Variants in MBNL2 observed in about 807,000 individuals in gnomAD.
The protein encoded by MBNL2 is muscleblind like splicing regulator 2.
A neutral mutation model predicts 41.9 loss-of-function variants in MBNL2; 17 were observed. That is an observed-to-expected ratio of 0.41 (90% CI 0.28 to 0.61). The LOEUF is 0.61. Ranked by LOEUF, MBNL2 falls within the 20% of genes least tolerant of loss-of-function variation. MBNL2 has a pLI of 0.35. For missense variants in MBNL2, 336 were observed against 505.6 expected, an observed-to-expected ratio of 0.66 and a Z score of 3.22; for synonymous variants, 195 against 182.9, an observed-to-expected ratio of 1.07 and a Z score of -0.53.
chr13:97,343,473 T>C (rs2061586331), intron 4 of MBNL2, among the ~76,000 whole-genome samples: 1 of 152,160 alleles, frequency 6.6e-6, no homozygotes, highest in Non-Finnish European at 1.5e-5. Context: ...GGGAAAAATA[T>C]TAAACAATCA....
chr13:97,293,151 T>C (rs2056450379), intron 2 of MBNL2, among the ~76,000 whole-genome samples: 1 of 152,160 alleles, frequency 6.6e-6, no homozygotes, highest in African/African-American at 2.4e-5. Flanking sequence ...TATTTAGTTC[T>C]GTTCTCATAA....
At chr13:97,181,451 A>G in the MBNL2 span, among the ~76,000 whole-genome samples, 1 of 152,160 alleles carries the variant, frequency 6.6e-6, no homozygotes, top group Non-Finnish European at 1.5e-5. Flanking sequence ...ATAGAATCAA[A>G]CTCAGAAACA....
intron 1 of MBNL2, among the ~76,000 whole-genome samples, chr13:97,222,839 A>G (rs1344883161): frequency 6.6e-6 from 1 of 152,226 alleles, no homozygotes; most frequent in Non-Finnish European, 1.5e-5. Context: ...CTTGCTGTGA[A>G]AAATTGTTAT....
At chr13:97,225,965 G>C (rs567327233) in intron 1 of MBNL2, among the ~76,000 whole-genome samples, 4 of 152,212 alleles carry the variant, frequency 2.6e-5, no homozygotes, top group African/African-American at 4.8e-5. Flanking sequence ...ACTTAACCGG[G>C]CTTTGTAAAT....
upstream of MBNL2, among the ~76,000 whole-genome samples, chr13:97,218,294 C>T (rs1445460065): frequency 1.3e-5 from 2 of 151,882 alleles, no homozygotes; most frequent in Non-Finnish European, 2.9e-5. Flanking sequence ...CCTGTAGTCC[C>T]AGCTACTTGG....
chr13:97,210,856 G>A, the MBNL2 span, among the ~76,000 whole-genome samples: 71 of 152,142 alleles, frequency 4.7e-4, no homozygotes, highest in African/African-American at 1.7e-3. Context: ...ACCAAAGTCA[G>A]TATTGAAACT....
chr13:97,174,711 A>AATTGG, the MBNL2 span, among the ~76,000 whole-genome samples: 1 of 152,202 alleles, frequency 6.6e-6, no homozygotes, highest in East Asian at 1.9e-4. Context: ...TCACATCTGC[A>AATTGG]CACTTCAATG....
intron 5 of MBNL2, among the ~76,000 whole-genome samples, chr13:97,355,073 G>A (rs1346055731): frequency 2.6e-5 from 4 of 152,192 alleles, no homozygotes; most frequent in Non-Finnish European, 5.9e-5. Context: ...CATTATGGAA[G>A]TTACATGATG....
At position 97,330,031 on chromosome 13, in the gene MBNL2, A is replaced by G. The variant is rs79235181; in HGVS notation, c.175-4245A>G. ...TTGTAACAAGACATGTTTTGTTAAC[A>G]TCTGTCTTCCCCACAAGACTGCAGG... On this transcript the variant is annotated intron_variant, in intron 2 of 8. Transcript: ENST00000679496. 4.1e-3 allele frequency among the ~76,000 whole-genome samples: 627 copies of G among 152,320 alleles called. 21 individuals carry two copies. In the East Asian group the frequency reaches 0.09, roughly 22 times the overall value.
At chr13:97,314,078 A>G (rs2058830318) in intron 2 of MBNL2, among the ~76,000 whole-genome samples, 2 of 152,152 alleles carry the variant, frequency 1.3e-5, no homozygotes, top group African/African-American at 4.8e-5. Flanking sequence ...ATGACCAGTA[A>G]GGGTCACCAT....
At chr13:97,344,212 T>G (rs557827120) in intron 4 of MBNL2, among the ~76,000 whole-genome samples, 3 of 152,248 alleles carry the variant, frequency 2.0e-5, no homozygotes, top group Non-Finnish European at 4.4e-5. Flanking sequence ...AAGTTATGAA[T>G]CAAACCAAAC....
the MBNL2 span, among the ~76,000 whole-genome samples, chr13:97,204,966 G>A: frequency 1.3e-5 from 2 of 151,932 alleles, no homozygotes; most frequent in East Asian, 1.9e-4. Flanking sequence ...GAAGTTAAGA[G>A]ATTGAGACCA....
chr13:97,287,919 T>TG (rs1488351641), intron 2 of MBNL2, among the ~76,000 whole-genome samples: 3 of 36,352 alleles, frequency 8.3e-5, no homozygotes, highest in South Asian at 1.8e-3. Context: ...TAATTTTCTG[T>TG]TTTTTTTTTG....
intron 2 of MBNL2, among the ~76,000 whole-genome samples, chr13:97,310,493 G>A (rs188133118): frequency 9.1e-4 from 137 of 150,954 alleles, no homozygotes; most frequent in African/African-American, 3.2e-3. Flanking sequence ...GCAGTGGCGC[G>A]ATCTCGGCTC....
chr13:97,285,385 A>G (rs2152954956), intron 2 of MBNL2, among the ~76,000 whole-genome samples: 1 of 152,344 alleles, frequency 6.6e-6, no homozygotes, highest in Middle Eastern at 3.4e-3. Flanking sequence ...TCTGTGTTGG[A>G]GAGACGCAGG....
rs1208123817 is a variant in MBNL2 at position 97,334,099 on chromosome 13, T to A, written c.175-177T>A. Among the ~76,000 whole-genome samples, 1 of 151,978 alleles carries A rather than the reference T, an allele frequency of 6.6e-6. No individual in the cohort carries two copies. The highest frequency in any genetic ancestry group is 1.5e-5 in the Non-Finnish European group (1 of 68,006). ...ATTAGCAACCTTGATAATCATGTAATGTTTGATTCACTTTTCCCCAACAAA... is the reference window on the plus strand; with the variant it reads ...ATTAGCAACCTTGATAATCATGTAAAGTTTGATTCACTTTTCCCCAACAAA... On this transcript the variant is annotated intron_variant, in intron 2 of 8. Coordinates refer to ENST00000679496, the MANE Select transcript of MBNL2 (RefSeq NM_001382683.1). This position sits in a 1 kb window ranked among gnomAD's most constrained non-coding sequence, Gnocchi z 5.3.
chr13:97,316,284 G>A (rs2059045852), intron 2 of MBNL2, among the ~76,000 whole-genome samples: 1 of 152,170 alleles, frequency 6.6e-6, no homozygotes, highest in Admixed American at 6.5e-5. Flanking sequence ...AGCCTGGTCT[G>A]AGCCACCGTC....
At chr13:97,282,056 A>T (rs886182059) in intron 2 of MBNL2, among the ~76,000 whole-genome samples, 7 of 152,024 alleles carry the variant, frequency 4.6e-5, no homozygotes, top group Non-Finnish European at 2.9e-5. Flanking sequence ...GGTCCAAAAA[A>T]AAAAAACATT....
At chr13:97,262,341 C>T (rs147042848) in intron 1 of MBNL2, among the ~76,000 whole-genome samples, 1 of 152,350 alleles carries the variant, frequency 6.6e-6, no homozygotes, top group East Asian at 1.9e-4. Context: ...AAATTGTCCA[C>T]ATGCCTTGAT....
Sources: gnomAD v4.1 joint callset for allele counts (sites outside exome capture counted in the v4.1 genomes callset) on GRCh38, gnomAD v4.1.1 for gene constraint, Gnocchi (gnomAD v3.1) non-coding constraint, MANE v1.5 for transcripts, NCBI Gene and HGNC (gene_info 2026-07-23, HGNC 2026-07-21) for gene names.